CNDP2: variants seen among roughly 807,000 people sequenced by gnomAD.
CNDP2 encodes the protein carnosine dipeptidase 2, also known as cytosolic non-specific dipeptidase.
CNDP2 carries 38 observed loss-of-function variants against 55.0 expected under a neutral mutation model. The observed-to-expected ratio is 0.69, with a 90% CI of 0.53 to 0.90. The LOEUF (loss-of-function observed/expected upper bound fraction) is 0.90, where lower values mean the gene tolerates loss of function less well. Ranked by LOEUF, CNDP2 falls within the 40% of genes least tolerant of loss-of-function variation. The probability of loss-of-function intolerance (pLI) is 0.00; values close to 1 mark genes in which losing one functional copy is unlikely to be tolerated. For synonymous variants in CNDP2, 241 were observed against 260.2 expected, an observed-to-expected ratio of 0.93 and a Z score of 0.71; for missense variants, 607 against 621.7, an observed-to-expected ratio of 0.98 and a Z score of 0.25.
chr18:74,504,611 A>T (rs1978907357), intron 3 of CNDP2, among the ~76,000 whole-genome samples: 1 of 152,250 alleles, frequency 6.6e-6, no homozygotes, highest in South Asian at 2.1e-4. Flanking sequence ...TCTTAATTGC[A>T]AACTGTTAAT....
At chr18:74,519,347 CT>C (rs1979920021) in intron 11 of CNDP2, among the ~76,000 whole-genome samples, 1 of 152,206 alleles carries the variant, frequency 6.6e-6, no homozygotes, top group South Asian at 2.1e-4. Flanking sequence ...TCTCCATTTC[CT>C]TTTTTTCCTG....
intron 9 of CNDP2, chr18:74,516,829 T>G (rs1389559206): frequency 6.0e-6 from 1 of 167,702 alleles, no homozygotes; most frequent in African/African-American, 2.4e-5. Context: ...GGGCTCACCC[T>G]TCATGCTGAA....
chr18:74,516,085 C>T lies in CNDP2; in HGVS notation c.904-143C>T, dbSNP rs936970457. On this transcript the variant is annotated intron_variant, in intron 8 of 11. Transcript: ENST00000324262. ...ACTGCAGTCGCACCTGCACCTGGAC[C>T]TCCTGCCTGTGGTTGTCAGGCTCCT... 13 of 857,938 alleles carry T rather than the reference C, an allele frequency of 1.5e-5. No individual in the cohort carries two copies. In the African/African-American group the frequency reaches 2.0e-4, roughly 13 times the overall value. 53.1% of individuals were successfully genotyped at this position (857,938 alleles called of 1,614,324 possible). A position where few individuals can be genotyped will look rare whatever the true frequency, so the allele number is the denominator to read the frequency against.
At chr18:74,504,822 T>C (rs574966300) in intron 3 of CNDP2, 9 of 152,358 alleles carry the variant, frequency 5.9e-5, no homozygotes, top group African/African-American at 1.9e-4. Flanking sequence ...TATTGGAATA[T>C]AGGCACTGGT....
intron 8 of CNDP2, among the ~76,000 whole-genome samples, chr18:74,515,126 A>G (rs182205045): frequency 2.0e-5 from 3 of 152,334 alleles, no homozygotes; most frequent in Admixed American, 1.3e-4. Context: ...TGAGACCGAC[A>G]TGCCGGCCTG....
In CNDP2 at chr18:74,513,547, G is replaced by A. The variant is rs770110945; in HGVS notation, c.743-12G>A. ...TCCCCTGAGTGCTGTAACCCTCTCC[G>A]GCTTCCCTCAGGCTCTTTGGTGGAC... On this transcript the variant is annotated splice_polypyrimidine_tract_variant and intron_variant, in intron 7 of 11. Transcript: ENST00000324262. 12 of 1,608,354 alleles carry A rather than the reference G, an allele frequency of 7.5e-6. No homozygotes were observed. Among genetic ancestry groups the A allele is most frequent in the South Asian group, 3.3e-5 (3 of 90,458 alleles).
rs551140809 is a variant in CNDP2 at position 74,496,651 on chromosome 18, A to G, written c.-93+220A>G. On this transcript the variant is annotated intron_variant, in intron 1 of 11. Coordinates refer to ENST00000324262, the MANE Select transcript of CNDP2 (RefSeq NM_018235.3). ...CGGCCATGGCCCCGGGGCCTCTCGC[A>G]CCTCCGGGCCACTCGTGTCCCAGCA... Among the ~76,000 whole-genome samples, 392 of 152,044 alleles carry G rather than the reference A, an allele frequency of 2.6e-3. 2 individuals are homozygous for G. Among genetic ancestry groups the G allele is most frequent in the Non-Finnish European group, 4.2e-3 (287 of 67,952 alleles).
chr18:74,502,141 C>T (rs11877594), intron 3 of CNDP2, among the ~76,000 whole-genome samples: 2,961 of 152,268 alleles, frequency 0.019, 105 homozygotes, highest in African/African-American at 0.069. Context: ...CTGCCTCAGC[C>T]TCCCAAAATG....
Position 74,506,276 on chromosome 18 carries a change from G to A in CNDP2, c.367+265G>A, listed in dbSNP as rs113654030. Among the ~76,000 whole-genome samples the A allele has an allele frequency of 1.1e-4, 17 of 152,060 alleles. No individual in the cohort carries two copies. The South Asian group carries it at 2.5e-3, about 22-fold the overall frequency. ...CAGCCTCCCCAGTAGCTGGGATTAC[G>A]GGCGCCCATCACCACGCCTGGCTAG... On this transcript the variant is annotated intron_variant, in intron 4 of 11. Transcript: ENST00000324262.
At chr18:74,516,103 A>C in intron 8 of CNDP2, 125 bp from the exon 9 acceptor site, 1 of 1,063,704 alleles carries the variant, frequency 9.4e-7, no homozygotes, top group East Asian at 2.5e-5. Flanking sequence ...TGTGGTTGTC[A>C]GGCTCCTGGG....
chr18:74,507,959 T>C (rs1979124605), intron 4 of CNDP2: 1 of 152,282 alleles, frequency 6.6e-6, no homozygotes, highest in Non-Finnish European at 1.5e-5. Context: ...ATCTTCAGTT[T>C]TTGTGAAAAG....
Position 74,508,867 on chromosome 18 carries a change from A to G in CNDP2, c.395A>G (p.Asp132Gly), listed in dbSNP as rs370736025. ...AAGCTGTATGGGAGAGGTTCGACTG[A>G]TGATAAGGGCCCGGTGGCCGGCTGG... ...DGKLYGRGST[D>G]DKGPVAGWIN... Residue 132 changes from aspartate (D) to glycine (G), a missense_variant, in exon 5 of 12, where the codon GAT becomes GGT. Asp to Gly is a moderately conservative substitution (Grantham distance 94, BLOSUM62 -1). Transcript: ENST00000324262. 1.9e-6 allele frequency: 3 copies of G among 1,613,970 alleles called. No homozygotes were observed. The African/African-American group carries it at 4.0e-5, about 22-fold the overall frequency.
At chr18:74,511,221 C>T in intron 6 of CNDP2, 1 of 589,622 alleles carries the variant, frequency 1.7e-6, no homozygotes, top group Non-Finnish European at 3.0e-6. Context: ...GTTAATCTCA[C>T]AGCAGCATCA....
intron 9 of CNDP2, chr18:74,518,267 A>C (rs1283100710): frequency 2.6e-6 from 1 of 386,012 alleles, no homozygotes; most frequent in African/African-American, 2.0e-5. Context: ...ATCTCAGAAA[A>C]AATAAAAAAT....
intron 9 of CNDP2, 108 bp downstream of exon 9, chr18:74,516,500 C>G (rs554392394): frequency 9.0e-7 from 1 of 1,109,114 alleles, no homozygotes; most frequent in Middle Eastern, 2.7e-4. Flanking sequence ...TGCATGCCCC[C>G]GCTTCCTGGC....
intron 3 of CNDP2, chr18:74,505,310 CAA>C (rs1978946628): frequency 6.6e-6 from 1 of 152,164 alleles, no homozygotes; most frequent in African/African-American, 2.4e-5. Flanking sequence ...AAGAATTTAC[CAA>C]ATCCAGCCAG....
rs1979843480 is a variant in CNDP2 at position 74,518,506 on chromosome 18, G to A, written c.1076G>A (p.Ser359Asn). Reference protein sequence around the residue: ...TPEVVGEQVTSYLTKKFAELR... With the variant: ...TPEVVGEQVTNYLTKKFAELR... The stretch of plus-strand genomic sequence containing the variant: ...ATTCTATTTGTGGTTTAGGTCACAA[G>A]CTACCTAACTAAGAAGTTTGCTGAA... The change falls in exon 10 of 12, where the codon AGC becomes AAC. Residue 359 changes from serine to asparagine, a missense_variant. Coordinates refer to ENST00000324262, the MANE Select transcript of CNDP2 (RefSeq NM_018235.3). 6.2e-7 allele frequency: 1 copy of A among 1,614,136 alleles called. No individual in the cohort carries two copies. Among genetic ancestry groups the A allele is most frequent in the Non-Finnish European group, 8.5e-7 (1 of 1,180,016 alleles).
chr18:74,499,957 TG>T lies in CNDP2; in HGVS notation c.-13del, dbSNP rs754763930. On this transcript the variant is annotated 5_prime_UTR_variant, in exon 2 of 12. Transcript: ENST00000324262. ...CCAAGAACCTTCGAGATCTGCGGTC[TG>T]GGGTCTGGTTGAAAGATGGCGGCCC... The T allele has an allele frequency of 5.0e-6, 8 of 1,613,552 alleles. No homozygotes were observed. Among genetic ancestry groups the T allele is most frequent in the Admixed American group, 1.7e-5 (1 of 59,950 alleles).
chr18:74,521,872 G>A lies in CNDP2; in HGVS notation c.*1804G>A, dbSNP rs1207436029. On this transcript the variant is annotated 3_prime_UTR_variant, in exon 12 of 12. Coordinates refer to ENST00000324262, the MANE Select transcript of CNDP2 (RefSeq NM_018235.3). The stretch of plus-strand genomic sequence containing the variant: ...AAAAGCACCTCCCAAGGGGAAAACA[G>A]TAACTTCACAGTGGAGAGACCTGGC... The A allele has an allele frequency of 6.6e-6, 1 of 152,244 alleles. No individual in the cohort carries two copies. The highest frequency in any genetic ancestry group is 2.4e-5 in the African/African-American group (1 of 41,432). 9.4% of individuals were successfully genotyped at this position (152,244 alleles called of 1,614,324 possible).
Sources: allele counts gnomAD v4.1 joint callset (sites outside exome capture counted in the v4.1 genomes callset), GRCh38; gene constraint gnomAD v4.1.1; transcripts MANE v1.5; gene names NCBI Gene and HGNC (gene_info 2026-07-23, HGNC 2026-07-21).